Variants in ABCG2 observed in about 807,000 individuals in gnomAD.
The protein encoded by ABCG2 is ATP binding cassette subfamily G member 2 (JR blood group), also known as broad substrate specificity ATP-binding cassette transporter ABCG2.
In ABCG2, 80 loss-of-function variants were observed where a neutral mutation model predicts 73.5. That is an observed-to-expected ratio of 1.09 (90% CI 0.91 to 1.31). The LOEUF is 1.31. Ranked by LOEUF, ABCG2 falls within the 50% of genes most tolerant of loss-of-function variation. ABCG2 has a pLI of 0.00. For synonymous variants in ABCG2, 269 were observed against 282.4 expected (o/e 0.95, Z 0.48); for missense variants, 796 against 786.2 (o/e 1.01, Z -0.15).
At chr4:88,207,871 C>G (rs549562216) in intron 1 of ABCG2, among the ~76,000 whole-genome samples, 2 of 152,214 alleles carry the variant, frequency 1.3e-5, no homozygotes, top group African/African-American at 4.8e-5. Flanking sequence ...ATATCCCTGT[C>G]AGGGCACAAT....
rs192823174 is a variant in ABCG2, at chr4:88,106,145, T to C, written c.1277+1039A>G. Among the ~76,000 whole-genome samples, 15 of 152,236 alleles carry C rather than the reference T, an allele frequency of 9.9e-5. No individual in the cohort carries two copies. The East Asian group carries it at 2.9e-3, about 29-fold the overall frequency. On this transcript the variant is annotated intron_variant, in intron 10 of 15. Coordinates refer to ENST00000237612, the MANE Select transcript of ABCG2 (RefSeq NM_004827.3). The stretch of plus-strand genomic sequence containing the variant: ...GAACTAAAATAGGGTTTTTTTTGTT[T>C]GTTTTTTTAAGAGACAGGGTCGAAC...
At chr4:88,115,284 A>ATAT (rs58774529) in intron 7 of ABCG2, among the ~76,000 whole-genome samples, 10 of 73,172 alleles carry the variant, frequency 1.4e-4, no homozygotes, top group African/African-American at 4.5e-4. Flanking sequence ...ATATATATAT[A>ATAT]ATTTATTTAT....
rs1728938020 is a variant in ABCG2, at chr4:88,196,236, CTT to C, written c.-20+34756_-20+34757del. Among the ~76,000 whole-genome samples, 7 of 152,290 alleles carry C rather than the reference CTT, an allele frequency of 4.6e-5. No homozygotes were observed. The South Asian group carries it at 1.0e-3, about 23-fold the overall frequency. On this transcript the variant is annotated intron_variant, in intron 1 of 15. Transcript: ENST00000515655. ...TGGGTTTTACTAACTTGGAGGGTGA[CTT>C]TGACTAAATCAGTCATTTAACCTTC...
rs1235848623 is a variant in ABCG2 at position 88,139,879 on chromosome 4, A to G, written c.117T>C (p.Phe39=). 1.2e-6 allele frequency: 2 copies of G among 1,614,178 alleles called. No homozygotes were observed. Among genetic ancestry groups the G allele is most frequent in the Non-Finnish European group, 1.7e-6 (2 of 1,180,030 alleles). The change falls in exon 2 of 16, where the codon TTT becomes TTC. Residue 39 remains phenylalanine, a synonymous_variant. Transcript: ENST00000237612. ...GTTTTACTCGATAGCAGATGTTATGAAAACTTAACACAGCTCCTTCAGTAA... is the reference window on the plus strand; with the variant it reads ...GTTTTACTCGATAGCAGATGTTATGGAAACTTAACACAGCTCCTTCAGTAA... ...KAFTEGAVLS[F]HNICYRVKLK...
rs564525442 is a variant in ABCG2, at chr4:88,131,110, A to C, written c.482T>G (p.Ile161Ser). ...TMTNHEKNER[I>S]NRVIQELGLD... ...ACCTAACTCTTGAATGACCCTGTTAATCCGTTCGTTTTTTTCATGATTCGT... is the reference window on the plus strand; with the variant it reads ...ACCTAACTCTTGAATGACCCTGTTACTCCGTTCGTTTTTTTCATGATTCGT... Residue 161 changes from isoleucine (I) to serine (S), a missense_variant, in exon 5 of 16, where the codon ATT becomes AGT. Transcript: ENST00000237612. 6.2e-7 allele frequency: 1 copy of C among 1,613,906 alleles called. No individual in the cohort carries two copies. The highest frequency in any genetic ancestry group is 1.3e-5 in the African/African-American group (1 of 74,936).
At chr4:88,125,336 T>A (rs557856822) in intron 5 of ABCG2, among the ~76,000 whole-genome samples, 1 of 142,248 alleles carries the variant, frequency 7.0e-6, no homozygotes, top group African/African-American at 2.6e-5. Flanking sequence ...TGACTGGGCG[T>A]GGTGGCTCAT....
rs569581791 is a variant in ABCG2 at position 88,230,191 on chromosome 4, C to T, written c.-20+803G>A. The stretch of plus-strand genomic sequence containing the variant: ...TATTTTTAGTAAAGACAGGGTTTCA[C>T]CATGTTGGCCAGGCTTGTCTCGAAC... On this transcript the variant is annotated intron_variant, in intron 1 of 15. Coordinates refer to the ABCG2 transcript ENST00000515655. Among the ~76,000 whole-genome samples, 34 of 148,572 alleles carry T rather than the reference C, an allele frequency of 2.3e-4. 1 individual carries two copies. The South Asian group carries it at 6.9e-3, about 30-fold the overall frequency.
chr4:88,218,199 C>G (rs2110128740), intron 1 of ABCG2, among the ~76,000 whole-genome samples: 1 of 152,320 alleles, frequency 6.6e-6, no homozygotes, highest in African/African-American at 2.4e-5. Context: ...ACCCCAACCA[C>G]TCTGTTTAAA....
intron 13 of ABCG2, among the ~76,000 whole-genome samples, chr4:88,096,341 T>C (rs1269956130): frequency 1.3e-5 from 2 of 152,202 alleles, no homozygotes; most frequent in East Asian, 3.8e-4. Flanking sequence ...ACAATATATA[T>C]TCAGACTTGA....
At chr4:88,152,632 T>C (rs1287664946) in intron 1 of ABCG2, among the ~76,000 whole-genome samples, 2 of 152,114 alleles carry the variant, frequency 1.3e-5, no homozygotes, top group Non-Finnish European at 2.9e-5. Flanking sequence ...TCTTTTGTGG[T>C]GGAATGTCAT....
rs563754940 is a variant in ABCG2 at position 88,110,416 on chromosome 4, A to G, written c.1194+2887T>C. 1.1e-3 allele frequency among the ~76,000 whole-genome samples: 171 copies of G among 151,904 alleles called. 1 individual carries two copies. Among genetic ancestry groups the G allele is most frequent in the African/African-American group, 4.1e-3 (169 of 41,420 alleles). ...AAATTAGCTGGGCATGGTGGCGGGC[A>G]CCCGTAGTCCCAGCTACTCGGGAGG... On this transcript the variant is annotated intron_variant, in intron 9 of 15. Transcript: ENST00000237612.
chr4:88,154,130 A>C (rs1205062350), intron 1 of ABCG2, among the ~76,000 whole-genome samples: 2 of 152,194 alleles, frequency 1.3e-5, no homozygotes, highest in African/African-American at 4.8e-5. Flanking sequence ...GGGAGTGACC[A>C]ATGCGAAGAA....
chr4:88,100,153 C>T (rs904115254), intron 11 of ABCG2, among the ~76,000 whole-genome samples: 1 of 150,854 alleles, frequency 6.6e-6, no homozygotes, highest in African/African-American at 2.4e-5. Flanking sequence ...AATACCCAGC[C>T]TGGGAAACAT....
intron 1 of ABCG2, among the ~76,000 whole-genome samples, chr4:88,225,270 A>G (rs970549144): frequency 6.6e-6 from 1 of 152,218 alleles, no homozygotes; most frequent in African/African-American, 2.4e-5. Flanking sequence ...AGTTGTCGAC[A>G]ATGCATAAAC....
intron 1 of ABCG2, among the ~76,000 whole-genome samples, chr4:88,152,142 A>G (rs1267969155): frequency 6.6e-6 from 1 of 152,232 alleles, no homozygotes. Flanking sequence ...CCTAATAGAT[A>G]GAAGCTCACA....
At chr4:88,104,633 C>T (rs915964503) in intron 10 of ABCG2, among the ~76,000 whole-genome samples, 2 of 148,888 alleles carry the variant, frequency 1.3e-5, no homozygotes, top group African/African-American at 4.9e-5. Flanking sequence ...CAAACCTGCA[C>T]ATCCTGCACA....
chr4:88,134,587 T>C (rs556837756), intron 2 of ABCG2, among the ~76,000 whole-genome samples: 84 of 152,216 alleles, frequency 5.5e-4, no homozygotes, highest in Non-Finnish European at 1.1e-3. Context: ...AAAATCACCA[T>C]AAGCTTGTTA....
chr4:88,116,920 T>C (rs1428130159), intron 7 of ABCG2, among the ~76,000 whole-genome samples: 1 of 152,194 alleles, frequency 6.6e-6, no homozygotes, highest in South Asian at 2.1e-4. Flanking sequence ...AAAAGAACCA[T>C]GCTGTCCAAG....
intron 1 of ABCG2, among the ~76,000 whole-genome samples, chr4:88,177,711 C>A (rs1472874486): frequency 6.6e-6 from 1 of 152,162 alleles, no homozygotes; most frequent in Non-Finnish European, 1.5e-5. Flanking sequence ...ACCACCCCTC[C>A]CCAATCTCTC....
Sources: gnomAD v4.1 joint callset for allele counts (sites outside exome capture counted in the v4.1 genomes callset) on GRCh38, gnomAD v4.1.1 for gene constraint, MANE v1.5 for transcripts, NCBI Gene and HGNC (gene_info 2026-07-23, HGNC 2026-07-21) for gene names.